UNC5B: variants seen among roughly 807,000 people sequenced by gnomAD.
UNC5B encodes unc-5 netrin receptor B.
In UNC5B, 56 loss-of-function variants were observed where a neutral mutation model predicts 103.7. The ratio of observed to expected loss-of-function variants is 0.54; its 90% CI spans 0.44 to 0.67. The LOEUF is 0.67. UNC5B is among the 30% of genes least tolerant of loss of function. The pLI is 0.00. For synonymous variants in UNC5B, 577 were observed against 542.0 expected (o/e 1.06, Z -0.90); for missense variants, 1,194 against 1,284.5 (o/e 0.93, Z 1.08).
chr10:71,289,129 C>A, intron 8 of UNC5B, 139 bp downstream of exon 8: 1 of 1,130,694 alleles, frequency 8.8e-7, no homozygotes, highest in Non-Finnish European at 1.3e-6. Flanking sequence ...CTACACCTGA[C>A]ACTGCATGTG....
chr10:71,218,425 A>G (rs1843382641), intron 1 of UNC5B, among the ~76,000 whole-genome samples: 1 of 152,144 alleles, frequency 6.6e-6, no homozygotes, highest in Admixed American at 6.5e-5. Context: ...CCACTTCAGG[A>G]TGGGACCCAG....
At position 71,226,625 on chromosome 10, in the gene UNC5B, T is replaced by C. The variant is rs527897393; in HGVS notation, c.79+13561T>C. On this transcript the variant is annotated intron_variant, in intron 1 of 16. Transcript: ENST00000335350. The stretch of plus-strand genomic sequence containing the variant: ...ACTTGGAGAGGATGGAGAAAGTATT[T>C]AGTGATGGTAGCTCTGATCAGCAGC... Among the ~76,000 whole-genome samples the C allele has an allele frequency of 2.6e-5, 4 of 152,340 alleles. No individual in the cohort carries two copies. In the East Asian group the frequency reaches 5.8e-4, roughly 22 times the overall value.
chr10:71,219,087 G>A (rs1156874985), intron 1 of UNC5B, among the ~76,000 whole-genome samples: 1 of 152,262 alleles, frequency 6.6e-6, no homozygotes, highest in East Asian at 1.9e-4. Context: ...GAGGCCTATA[G>A]GAAAATCACA....
intron 1 of UNC5B, among the ~76,000 whole-genome samples, chr10:71,225,523 C>A (rs1174048277): frequency 1.3e-5 from 2 of 152,210 alleles, no homozygotes; most frequent in African/African-American, 4.8e-5. Flanking sequence ...GGCCCGGGTG[C>A]CACGTCAGAG....
chr10:71,229,745 C>T (rs780084434), intron 1 of UNC5B, among the ~76,000 whole-genome samples: 9 of 152,168 alleles, frequency 5.9e-5, no homozygotes, highest in Admixed American at 1.3e-4. Context: ...TGGGGCAGGG[C>T]GTGTAGTTCT....
Position 71,293,811 on chromosome 10 carries a change from G to A in UNC5B, c.2053G>A (p.Glu685Lys), listed in dbSNP as rs759337985. 21 of 1,610,526 alleles carry A rather than the reference G, an allele frequency of 1.3e-5. No homozygotes were observed. The South Asian group carries it at 1.4e-4, about 11-fold the overall frequency. ...DQLGTYVFTG[E>K]SYSRSAVKRL... ...GCTGGGCACCTACGTGTTCACGGGC[G>A]AGTCCTATTCCCGCTCAGCAGTCAA... The change falls in exon 13 of 17, where the codon GAG (glutamate) becomes AAG (lysine). Residue 685 changes from glutamate to lysine, a missense_variant. By Grantham distance (56) the Glu-to-Lys change is moderately conservative (BLOSUM62 1). Coordinates refer to ENST00000335350, the MANE Select transcript of UNC5B (RefSeq NM_170744.5).
chr10:71,254,557 A>G (rs1012445930), intron 1 of UNC5B, among the ~76,000 whole-genome samples: 2 of 152,220 alleles, frequency 1.3e-5, no homozygotes, highest in Admixed American at 6.5e-5. Context: ...GTCCCCATCA[A>G]TAAGCTGGCC....
intron 1 of UNC5B, among the ~76,000 whole-genome samples, chr10:71,232,677 G>A (rs1157228598): frequency 2.0e-5 from 3 of 152,258 alleles, no homozygotes; most frequent in Admixed American, 6.5e-5. Flanking sequence ...TCTTACTGCC[G>A]ATTTATTAGT....
In UNC5B at chr10:71,292,552, C is replaced by A. The variant is rs986365217; in HGVS notation, c.1770C>A (p.Thr590=). ...TACTCATCAACAAGGCAGAAAGTAC[C>A]CTGTGAGTAGAGCCCCAGCCGCTGC... ...MYLLINKAES[T]LPLSEGTQTV... is the part of the protein sequence containing the mutation. The change falls in exon 11 of 17, where the codon ACC becomes ACA. Residue 590 remains threonine, a splice_region_variant and synonymous_variant. Transcript: ENST00000335350. 12 of 1,599,620 alleles carry A rather than the reference C, an allele frequency of 7.5e-6. No individual in the cohort carries two copies. In the East Asian group the frequency reaches 2.7e-4, roughly 36 times the overall value.
At chr10:71,270,361 AGGGAGGG>A (rs1844614874) in intron 1 of UNC5B, among the ~76,000 whole-genome samples, 1 of 5,072 alleles carries the variant, frequency 2.0e-4, no homozygotes, top group Non-Finnish European at 5.3e-4. Context: ...GGAGGGAGGG[AGGGAGGG>A]AGGGTGGGAG....
chr10:71,225,308 A>G (rs549818895), intron 1 of UNC5B, among the ~76,000 whole-genome samples: 11 of 152,262 alleles, frequency 7.2e-5, no homozygotes, highest in Non-Finnish European at 1.2e-4. Context: ...CCTGCAGAAC[A>G]GTCCCTGGAC....
rs148686628 is a variant in UNC5B at position 71,286,824 on chromosome 10, A to G, written c.688A>G (p.Ile230Val). ...TANYTCVAKN[I>V]VAKRRSTTAT... ...CAACTATACCTGCGTGGCCAAGAAC[A>G]TCGTGGCCAAACGCCGGAGCACCAC... Residue 230 changes from isoleucine (I) to valine (V), a missense_variant, in exon 5 of 17, where the codon ATC becomes GTC. Physicochemically the swap from Ile to Val is conservative, Grantham distance 29. Coordinates refer to ENST00000335350, the MANE Select transcript of UNC5B (RefSeq NM_170744.5). 1 of 1,614,088 alleles carries G rather than the reference A, an allele frequency of 6.2e-7. No individual in the cohort carries two copies. The highest frequency in any genetic ancestry group is 2.2e-5 in the East Asian group (1 of 44,864).
In UNC5B at chr10:71,279,910, G is replaced by A. The variant is rs747312686; in HGVS notation, c.169G>A (p.Ala57Thr). 8.7e-6 allele frequency: 14 copies of A among 1,613,836 alleles called. No homozygotes were observed. Among genetic ancestry groups the A allele is most frequent in the Admixed American group, 3.3e-5 (2 of 60,010 alleles). Residue 57 changes from alanine (A) to threonine (T), a missense_variant, in exon 2 of 17, where the codon GCC (alanine) becomes ACC (threonine). Coordinates refer to ENST00000335350, the MANE Select transcript of UNC5B (RefSeq NM_170744.5). ...LPYFLQEPQDAYIVKNKPVEL... is the reference protein window; with the variant it reads ...LPYFLQEPQDTYIVKNKPVEL... ...CTACTTCCTGCAGGAGCCACAGGACGCCTACATTGTGAAGAACAAGCCTGT... is the reference window on the plus strand; with the variant it reads ...CTACTTCCTGCAGGAGCCACAGGACACCTACATTGTGAAGAACAAGCCTGT...
chr10:71,240,489 G>T (rs1010990580), intron 1 of UNC5B, among the ~76,000 whole-genome samples: 3 of 152,260 alleles, frequency 2.0e-5, no homozygotes, highest in Admixed American at 2.0e-4. Flanking sequence ...CGTGGGCACA[G>T]GGCCAGCAGG....
chr10:71,227,691 T>TATATACAC lies in UNC5B; in HGVS notation c.79+14632_79+14633insCACATATA, dbSNP rs1564707071. On this transcript the variant is annotated intron_variant, in intron 1 of 16. Coordinates refer to ENST00000335350, the MANE Select transcript of UNC5B (RefSeq NM_170744.5). ...ACACATATATACATATATATACACA[T>TATATACAC]ATATATACACACATATACACACACA... 9.9e-4 allele frequency among the ~76,000 whole-genome samples: 132 copies of TATATACAC among 132,848 alleles called. No homozygotes were observed. In the Middle Eastern group the frequency reaches 0.011, roughly 11 times the overall value. The allele number at this position is 132,848 out of a possible 152,430, so 87.2% of individuals were successfully genotyped here. A position where few individuals can be genotyped will look rare whatever the true frequency, so the allele number is the denominator to read the frequency against.
intron 1 of UNC5B, among the ~76,000 whole-genome samples, chr10:71,219,128 C>CT: frequency 6.6e-6 from 1 of 152,104 alleles, no homozygotes; most frequent in African/African-American, 2.4e-5. Flanking sequence ...GTGCATGTTG[C>CT]TTTACAGTTT....
intron 1 of UNC5B, among the ~76,000 whole-genome samples, chr10:71,220,461 C>A (rs1843430544): frequency 6.6e-6 from 1 of 152,178 alleles, no homozygotes; most frequent in Admixed American, 6.5e-5. Context: ...TGCTCTCTTT[C>A]CACACACACC....
chr10:71,227,939 A>G (rs185279604), intron 1 of UNC5B, among the ~76,000 whole-genome samples: 1 of 152,204 alleles, frequency 6.6e-6, no homozygotes, highest in East Asian at 1.9e-4. Context: ...AAGTAAAACT[A>G]TTCCTGCCAG....
chr10:71,219,415 G>A lies in UNC5B; in HGVS notation c.79+6351G>A, dbSNP rs572099512. 1.0e-3 allele frequency among the ~76,000 whole-genome samples: 157 copies of A among 152,298 alleles called. 2 individuals carry two copies. The Middle Eastern group carries it at 0.017, about 16-fold the overall frequency. On this transcript the variant is annotated intron_variant, in intron 1 of 16. Transcript: ENST00000335350. Reference sequence around the variant, plus strand: ...CCGAAGAACTTCTAGTCTGATGTTCGAGGGCAGAAAGCATCCAGCACGGGA... The same window carrying A: ...CCGAAGAACTTCTAGTCTGATGTTCAAGGGCAGAAAGCATCCAGCACGGGA...
Sources: gnomAD v4.1 joint callset for allele counts (sites outside exome capture counted in the v4.1 genomes callset) on GRCh38, gnomAD v4.1.1 for gene constraint, MANE v1.5 for transcripts, NCBI Gene and HGNC (gene_info 2026-07-23, HGNC 2026-07-21) for gene names.